GPC6: variants seen among roughly 807,000 people sequenced by gnomAD.
The protein encoded by GPC6 is glypican 6.
A neutral mutation model predicts 55.2 loss-of-function variants in GPC6; 14 were observed. That is an observed-to-expected ratio of 0.25 (90% CI 0.17 to 0.40). The LOEUF is 0.40. GPC6 is among the 10% of genes least tolerant of loss of function. The probability of loss-of-function intolerance (pLI) is 1.00; values close to 1 mark genes in which losing one functional copy is unlikely to be tolerated. For missense variants in GPC6, 641 were observed against 708.5 expected, an observed-to-expected ratio of 0.90 and a Z score of 1.08; for synonymous variants, 278 against 259.6, an observed-to-expected ratio of 1.07 and a Z score of -0.68.
intron 2 of GPC6, among the ~76,000 whole-genome samples, chr13:93,596,314 CA>C (rs555735056): frequency 1.2e-3 from 176 of 152,000 alleles, no homozygotes; most frequent in African/African-American, 4.2e-3. Context: ...GGATACAGAG[CA>C]AAGAAGGAAT....
chr13:93,413,266 C>T (rs779293519), intron 1 of GPC6, among the ~76,000 whole-genome samples: 36 of 152,042 alleles, frequency 2.4e-4, no homozygotes, highest in African/African-American at 4.8e-4. Context: ...TTTCACATTA[C>T]GAAGAAATGT....
intron 2 of GPC6, among the ~76,000 whole-genome samples, chr13:93,600,766 A>G (rs1299810400): frequency 6.6e-6 from 1 of 151,670 alleles, no homozygotes; most frequent in African/African-American, 2.4e-5. Flanking sequence ...CCTGGCCAAC[A>G]TAGTGAAATC....
chr13:94,065,936 C>T (rs996053527), intron 4 of GPC6, among the ~76,000 whole-genome samples: 3 of 152,210 alleles, frequency 2.0e-5, no homozygotes, highest in African/African-American at 4.8e-5. Context: ...ACACTTCCAT[C>T]TCTGTGAATC....
intron 3 of GPC6, among the ~76,000 whole-genome samples, chr13:93,955,243 GCACACACACACACACACACACA>G (rs10524254): frequency 1.5e-5 from 2 of 136,176 alleles, no homozygotes; most frequent in Admixed American, 1.5e-4. Context: ...GAATGAACAT[GCACACACACACACACACACACA>G]CACACACACA....
intron 2 of GPC6, among the ~76,000 whole-genome samples, chr13:93,553,148 G>C (rs1875248537): frequency 6.6e-6 from 1 of 152,048 alleles, no homozygotes; most frequent in South Asian, 2.1e-4. Flanking sequence ...ACTCTCTCTG[G>C]GATTTGGTAC....
Position 93,647,592 on chromosome 13 carries a change from A to G in GPC6, c.319+102171A>G, listed in dbSNP as rs116816610. On this transcript the variant is annotated intron_variant, in intron 2 of 8. Coordinates refer to ENST00000377047, the MANE Select transcript of GPC6 (RefSeq NM_005708.5). The stretch of plus-strand genomic sequence containing the variant: ...CTTAGGACGTGGATGAGGCTCACAT[A>G]CTTCTGAGGCCTGGGTCATCCCTTT... 7.6e-3 allele frequency among the ~76,000 whole-genome samples: 1,160 copies of G among 152,186 alleles called. 14 individuals carry two copies. The highest frequency in any genetic ancestry group is 0.026 in the African/African-American group (1,073 of 41,534).
intron 3 of GPC6, among the ~76,000 whole-genome samples, chr13:93,947,369 A>G (rs1817768349): frequency 6.6e-6 from 1 of 152,146 alleles, no homozygotes; most frequent in African/African-American, 2.4e-5. Context: ...AGGACAAACC[A>G]TCCATCGGAA....
chr13:94,110,387 A>G (rs1019455138), intron 4 of GPC6, among the ~76,000 whole-genome samples: 21 of 152,138 alleles, frequency 1.4e-4, no homozygotes, highest in African/African-American at 5.1e-4. Context: ...TTAATTTAGA[A>G]AAACCTATCT....
intron 3 of GPC6, among the ~76,000 whole-genome samples, chr13:93,912,472 A>G (rs12561345): frequency 0.19 from 28,980 of 152,164 alleles, 3,194 homozygotes; most frequent in Middle Eastern, 0.25. Context: ...GGCCGGGTGC[A>G]GTGGCTCACG....
chr13:94,268,912 T>C (rs558793787), intron 4 of GPC6, among the ~76,000 whole-genome samples: 3 of 152,200 alleles, frequency 2.0e-5, no homozygotes, highest in Non-Finnish European at 2.9e-5. Flanking sequence ...TTAACGTACT[T>C]ACTAGTGTTT....
At chr13:93,428,456 A>G (rs544604633) in intron 1 of GPC6, among the ~76,000 whole-genome samples, 35 of 152,290 alleles carry the variant, frequency 2.3e-4, no homozygotes, top group South Asian at 1.5e-3. Flanking sequence ...TCTCAGGGAT[A>G]AAAATCTATT....
intron 1 of GPC6, among the ~76,000 whole-genome samples, chr13:93,319,091 C>T (rs914683452): frequency 1.1e-4 from 17 of 152,022 alleles, no homozygotes; most frequent in African/African-American, 3.6e-4. Flanking sequence ...TATAACTGTC[C>T]CCTCATGCAT....
At chr13:94,259,675 T>C (rs1891601628) in intron 4 of GPC6, among the ~76,000 whole-genome samples, 1 of 152,178 alleles carries the variant, frequency 6.6e-6, no homozygotes, top group Non-Finnish European at 1.5e-5. Context: ...CCCCTTCCTT[T>C]TGGTACCTGG....
At chr13:93,788,297 G>T (rs1434223799) in intron 2 of GPC6, among the ~76,000 whole-genome samples, 2 of 152,060 alleles carry the variant, frequency 1.3e-5, no homozygotes, top group African/African-American at 4.8e-5. Context: ...GGGCAGGAGA[G>T]TCCAGTGCTG....
At chr13:94,192,665 A>C (rs934066648) in intron 4 of GPC6, among the ~76,000 whole-genome samples, 2 of 152,220 alleles carry the variant, frequency 1.3e-5, no homozygotes, top group African/African-American at 2.4e-5. Context: ...GCAGAGAAAG[A>C]GCCTGCCTTA....
chr13:93,548,211 T>A (rs1874933161), intron 2 of GPC6, among the ~76,000 whole-genome samples: 1 of 152,234 alleles, frequency 6.6e-6, no homozygotes, highest in Non-Finnish European at 1.5e-5. Flanking sequence ...TTGTCTATTT[T>A]GAGGTTCTTC....
chr13:94,077,976 G>A (rs1469670163), intron 4 of GPC6, among the ~76,000 whole-genome samples: 1 of 151,820 alleles, frequency 6.6e-6, no homozygotes, highest in Non-Finnish European at 1.5e-5. Flanking sequence ...CTTTCTAAGT[G>A]CATGCGGAAC....
chr13:94,103,543 C>A (rs751235343), intron 4 of GPC6, among the ~76,000 whole-genome samples: 27 of 152,188 alleles, frequency 1.8e-4, no homozygotes, highest in Non-Finnish European at 3.5e-4. Context: ...TCCTCTCCAG[C>A]ACCTGTTGTT....
At position 93,926,486 on chromosome 13, in the gene GPC6, T is replaced by A. The variant is rs971691042; in HGVS notation, c.711+95941T>A. Among the ~76,000 whole-genome samples, 55 of 152,208 alleles carry A rather than the reference T, an allele frequency of 3.6e-4. 1 individual carries two copies. Among genetic ancestry groups the A allele is most frequent in the African/African-American group, 1.3e-3 (55 of 41,464 alleles). On this transcript the variant is annotated intron_variant, in intron 3 of 8. Coordinates refer to ENST00000377047, the MANE Select transcript of GPC6 (RefSeq NM_005708.5). ...AAGTCTCAAGTGAATTACATATTAATAATTTGTATTTTCCCATATATATGG... is the reference window on the plus strand; with the variant it reads ...AAGTCTCAAGTGAATTACATATTAAAAATTTGTATTTTCCCATATATATGG...
Sources: allele counts gnomAD v4.1 joint callset (sites outside exome capture counted in the v4.1 genomes callset), GRCh38; gene constraint gnomAD v4.1.1; transcripts MANE v1.5; gene names NCBI Gene and HGNC (gene_info 2026-07-23, HGNC 2026-07-21).